The following PLOD2 variants were observed in gnomAD, a reference collection of about 807,000 sequenced individuals.
PLOD2 encodes lysine hydroxylase 2.
PLOD2 carries 65 observed loss-of-function variants against 101.0 expected under a neutral mutation model. The observed-to-expected ratio is 0.64, with a 90% confidence interval of 0.53 to 0.79. The LOEUF is 0.79. PLOD2 is among the 30% of genes least tolerant of loss of function. The probability of loss-of-function intolerance (pLI) is 0.00; values close to 1 mark genes in which losing one functional copy is unlikely to be tolerated. For missense variants in PLOD2, 909 were observed against 914.6 expected, an observed-to-expected ratio of 0.99 and a Z score of 0.08; for synonymous variants, 314 against 302.9, an observed-to-expected ratio of 1.04 and a Z score of -0.38.
At chr3:146,156,015 T>C (rs1413797459) in intron 1 of PLOD2, among the ~76,000 whole-genome samples, 1 of 152,206 alleles carries the variant, frequency 6.6e-6, no homozygotes, top group East Asian at 1.9e-4. Flanking sequence ...AATATGCATC[T>C]CCTTTCCAAC....
chr3:146,154,487 A>T (rs1435926449), intron 1 of PLOD2, among the ~76,000 whole-genome samples: 1 of 152,038 alleles, frequency 6.6e-6, no homozygotes, highest in African/African-American at 2.4e-5. Context: ...AAAAAAAAAA[A>T]AGTTAGTGTT....
In PLOD2 at chr3:146,088,729, CAT is replaced by C. The variant is rs1405159398; in HGVS notation, c.880-20_880-19del. 3 of 1,583,990 alleles carry C rather than the reference CAT, an allele frequency of 1.9e-6. No homozygotes were observed. In the Middle Eastern group the frequency reaches 5.0e-4, roughly 264 times the overall value. On this transcript the variant is annotated intron_variant, in intron 8 of 19. Coordinates refer to ENST00000282903, the MANE Select transcript of PLOD2 (RefSeq NM_182943.3). Reference sequence around the variant, plus strand: ...GGATGGACCTTTGTTTTACACCAAACATAAAAATAAAATTATCATTAGTATGG... The same window carrying C: ...GGATGGACCTTTGTTTTACACCAAACAAAAATAAAATTATCATTAGTATGG...
chr3:146,072,776 T>TA (rs1456335623), intron 16 of PLOD2, 111 bp from the exon 17 acceptor site: 2 of 718,538 alleles, frequency 2.8e-6, no homozygotes, highest in Non-Finnish European at 4.9e-6. Flanking sequence ...CTAGGAAACA[T>TA]AGTTTTCTGT....
chr3:146,077,861 C>T lies in PLOD2; in HGVS notation c.1563+1G>A. ...ATAAATAAAATAAGTAAAAATAACACCTTTGGGGGGCTGAGCATTTGGAAT... is the reference window on the plus strand; with the variant it reads ...ATAAATAAAATAAGTAAAAATAACATCTTTGGGGGGCTGAGCATTTGGAAT... On this transcript the variant is annotated splice_donor_variant, in intron 14 of 19. Coordinates refer to ENST00000282903, the MANE Select transcript of PLOD2 (RefSeq NM_182943.3). LOFTEE classifies it high-confidence loss of function. 1 of 1,562,498 alleles carries T rather than the reference C, an allele frequency of 6.4e-7. No homozygotes were observed. The highest frequency in any genetic ancestry group is 2.3e-5 in the East Asian group (1 of 44,342).
chr3:146,158,757 G>C (rs568313274), intron 1 of PLOD2, among the ~76,000 whole-genome samples: 215 of 151,740 alleles, frequency 1.4e-3, no homozygotes, highest in Non-Finnish European at 2.1e-3. Context: ...CAATGCACAG[G>C]ATAGTCCCTC....
At chr3:146,089,282 T>G (rs926971450) in intron 8 of PLOD2, among the ~76,000 whole-genome samples, 3 of 151,526 alleles carry the variant, frequency 2.0e-5, no homozygotes, top group Non-Finnish European at 4.4e-5. Flanking sequence ...TATATTTTCT[T>G]AAGTTCTCTT....
intron 7 of PLOD2, among the ~76,000 whole-genome samples, chr3:146,092,870 T>C (rs928731914): frequency 6.6e-6 from 1 of 152,148 alleles, no homozygotes; most frequent in Admixed American, 6.5e-5. Flanking sequence ...TAATACCCAG[T>C]AGTGGTATGA....
chr3:146,071,908 C>CGCTG, intron 17 of PLOD2, among the ~76,000 whole-genome samples: 1 of 151,608 alleles, frequency 6.6e-6, no homozygotes, highest in East Asian at 1.9e-4. Flanking sequence ...TTTCATCACC[C>CGCTG]ACTAACTTAA....
At chr3:146,097,036 C>T (rs1470043174) in intron 7 of PLOD2, among the ~76,000 whole-genome samples, 3 of 147,812 alleles carry the variant, frequency 2.0e-5, no homozygotes, top group Non-Finnish European at 1.5e-5. Context: ...GCCGCCCCGT[C>T]CGGGAGGTGA....
chr3:146,115,391 G>T (rs1267225467), intron 3 of PLOD2, among the ~76,000 whole-genome samples: 1 of 152,114 alleles, frequency 6.6e-6, no homozygotes, highest in African/African-American at 2.4e-5. Flanking sequence ...AGATGATTGA[G>T]ATTTTCTAAG....
intron 1 of PLOD2, among the ~76,000 whole-genome samples, chr3:146,125,967 A>AT (rs2030537041): frequency 6.6e-6 from 1 of 152,218 alleles, no homozygotes; most frequent in South Asian, 2.1e-4. Flanking sequence ...TATATAAATC[A>AT]TAAGAATTAA....
intron 1 of PLOD2, among the ~76,000 whole-genome samples, chr3:146,159,106 G>C (rs1354732883): frequency 6.6e-6 from 1 of 152,148 alleles, no homozygotes; most frequent in Non-Finnish European, 1.5e-5. Flanking sequence ...ACCGAAATTT[G>C]TAATCAAACT....
chr3:146,128,802 G>A (rs1035024198), intron 1 of PLOD2, among the ~76,000 whole-genome samples: 1 of 148,288 alleles, frequency 6.7e-6, no homozygotes, highest in African/African-American at 2.5e-5. Flanking sequence ...ACAAACCATG[G>A]TTTTAAAACA....
At chr3:146,088,771 T>G (rs1936875218) in intron 8 of PLOD2, 60 bp from the exon 9 acceptor site, 1 of 1,352,470 alleles carries the variant, frequency 7.4e-7, no homozygotes, top group Non-Finnish European at 1.1e-6. Context: ...GTTTTAAATT[T>G]TATTCAAATG....
At chr3:146,148,793 G>A (rs1482733163) in intron 1 of PLOD2, among the ~76,000 whole-genome samples, 2 of 152,148 alleles carry the variant, frequency 1.3e-5, no homozygotes, top group African/African-American at 4.8e-5. Context: ...GAAGTAACCA[G>A]CTGACTTCCT....
chr3:146,096,012 G>A (rs1265161738), intron 7 of PLOD2, among the ~76,000 whole-genome samples: 2 of 145,758 alleles, frequency 1.4e-5, no homozygotes, highest in Admixed American at 1.4e-4. Flanking sequence ...TCAGCCTGCC[G>A]AGTGCCTGCG....
rs1301695693 is a variant in PLOD2 at position 146,069,884 on chromosome 3, T to C, written c.*833A>G. On this transcript the variant is annotated 3_prime_UTR_variant, in exon 20 of 20. Coordinates refer to ENST00000282903, the MANE Select transcript of PLOD2 (RefSeq NM_182943.3). Reference sequence around the variant, plus strand: ...TGAAATTTTTCGTTTTCCTATTTTCTAGAACTTTCTAAAAAAGGAAACAAA... The same window carrying C: ...TGAAATTTTTCGTTTTCCTATTTTCCAGAACTTTCTAAAAAAGGAAACAAA... 1 of 152,222 alleles carries C rather than the reference T, an allele frequency of 6.6e-6. No individual in the cohort carries two copies. Among genetic ancestry groups the C allele is most frequent in the Non-Finnish European group, 1.5e-5 (1 of 67,858 alleles). 9.4% of individuals were successfully genotyped at this position (152,222 alleles called of 1,614,324 possible).
chr3:146,147,997 T>C (rs1342770577), intron 1 of PLOD2, among the ~76,000 whole-genome samples: 1 of 152,302 alleles, frequency 6.6e-6, no homozygotes, highest in South Asian at 2.1e-4. Flanking sequence ...TAAGTAAAAT[T>C]TCCTGAAACA....
intron 8 of PLOD2, among the ~76,000 whole-genome samples, chr3:146,090,845 C>T (rs907943835): frequency 6.6e-6 from 1 of 151,606 alleles, no homozygotes; most frequent in African/African-American, 2.4e-5. Context: ...TTTATTTTTG[C>T]CTATATTGCT....
Sources: gnomAD v4.1 joint callset for allele counts (sites outside exome capture counted in the v4.1 genomes callset) on GRCh38, gnomAD v4.1.1 for gene constraint, MANE v1.5 for transcripts, NCBI Gene and HGNC (gene_info 2026-07-23, HGNC 2026-07-21) for gene names.